The following KCNQ5 variants were observed in gnomAD, a reference collection of about 807,000 sequenced individuals.
KCNQ5 encodes potassium voltage-gated channel subfamily KQT member 5.
In KCNQ5, 30 loss-of-function variants were observed where a neutral mutation model predicts 98.2. That is an observed-to-expected ratio of 0.31 (90% CI 0.23 to 0.41). The LOEUF (loss-of-function observed/expected upper bound fraction) is 0.41. KCNQ5 is among the 10% of genes least tolerant of loss of function. KCNQ5 has a pLI of 1.00. For synonymous variants in KCNQ5, 458 were observed against 449.4 expected, an observed-to-expected ratio of 1.02 and a Z score of -0.24; for missense variants, 835 against 1,182.5, an observed-to-expected ratio of 0.71 and a Z score of 4.31.
chr6:72,939,005 G>A (rs1314487269), intron 1 of KCNQ5, among the ~76,000 whole-genome samples: 1 of 152,082 alleles, frequency 6.6e-6, no homozygotes, highest in Non-Finnish European at 1.5e-5. Context: ...TCTAAAACTT[G>A]CAAAAACTCA....
chr6:72,640,723 A>G (rs2098926777), intron 1 of KCNQ5: 1 of 152,194 alleles, frequency 6.6e-6, no homozygotes, highest in African/African-American at 2.4e-5. Flanking sequence ...CTCTAGTGCT[A>G]TCTTTTTTAG....
intron 1 of KCNQ5, among the ~76,000 whole-genome samples, chr6:72,800,111 C>G (rs1345172132): frequency 6.6e-6 from 1 of 152,076 alleles, no homozygotes; most frequent in Non-Finnish European, 1.5e-5. Flanking sequence ...TACCTTTATT[C>G]CCACTCCTAT....
At chr6:72,830,445 C>T (rs557825442) in intron 1 of KCNQ5, among the ~76,000 whole-genome samples, 292 of 152,326 alleles carry the variant, frequency 1.9e-3, no homozygotes, top group African/African-American at 6.7e-3. Flanking sequence ...GTACAACCAT[C>T]TGATCTTTGA....
intron 1 of KCNQ5, among the ~76,000 whole-genome samples, chr6:72,762,982 A>G (rs571726584): frequency 6.6e-6 from 1 of 152,106 alleles, no homozygotes; most frequent in South Asian, 2.1e-4. Flanking sequence ...GCACACTGAA[A>G]CCTATACAAT....
intron 1 of KCNQ5, among the ~76,000 whole-genome samples, chr6:72,783,489 T>TTCAG (rs1773585318): frequency 6.6e-6 from 1 of 152,218 alleles, no homozygotes; most frequent in Non-Finnish European, 1.5e-5. Context: ...CAAGCAAATA[T>TTCAG]TCAGATAAAG....
intron 5 of KCNQ5, among the ~76,000 whole-genome samples, chr6:73,086,448 A>G (rs1046005170): frequency 6.6e-6 from 1 of 152,102 alleles, no homozygotes; most frequent in Non-Finnish European, 1.5e-5. Context: ...ACTTTACCCC[A>G]TCAGGAAGCC....
At chr6:73,038,168 T>C (rs1771524465) in intron 2 of KCNQ5, among the ~76,000 whole-genome samples, 1 of 152,064 alleles carries the variant, frequency 6.6e-6, no homozygotes, top group African/African-American at 2.4e-5. Context: ...TAATTTTCAT[T>C]TCCACATGAT....
At chr6:73,000,422 C>G (rs968326134) in intron 1 of KCNQ5, among the ~76,000 whole-genome samples, 9 of 152,178 alleles carry the variant, frequency 5.9e-5, no homozygotes, top group African/African-American at 2.2e-4. Context: ...TATGCTTGGT[C>G]TGCACTGTCA....
At chr6:73,159,543 T>C (rs1359579765) in intron 10 of KCNQ5, among the ~76,000 whole-genome samples, 2 of 152,246 alleles carry the variant, frequency 1.3e-5, no homozygotes, top group African/African-American at 4.8e-5. Flanking sequence ...TTTATTGTCA[T>C]AAAAATTAAT....
chr6:73,003,900 T>C lies in KCNQ5; in HGVS notation c.399-8T>C, dbSNP rs1234833489. On this transcript the variant is annotated splice_polypyrimidine_tract_variant and splice_region_variant and intron_variant, in intron 1 of 13. Coordinates refer to ENST00000370398, the MANE Select transcript of KCNQ5 (RefSeq NM_019842.4). ...TCTTATCAGATTTCTCTTTTTGTTGTTTTACAGTTTTCTCCTTGTCTTTGG... is the reference window on the plus strand; with the variant it reads ...TCTTATCAGATTTCTCTTTTTGTTGCTTTACAGTTTTCTCCTTGTCTTTGG... The C allele has an allele frequency of 2.5e-6, 4 of 1,590,324 alleles. No individual in the cohort carries two copies. The Admixed American group carries it at 6.7e-5, about 27-fold the overall frequency.
intron 1 of KCNQ5, among the ~76,000 whole-genome samples, chr6:72,666,281 T>A (rs930637118): frequency 6.6e-6 from 1 of 152,152 alleles, no homozygotes; most frequent in Non-Finnish European, 1.5e-5. Flanking sequence ...TTAAAAAGTC[T>A]CTAAACTTGT....
intron 1 of KCNQ5, among the ~76,000 whole-genome samples, chr6:72,623,427 T>TGTGTGTGTGTGTGTGTGTGTGTGTGTG (rs3057126): frequency 6.6e-6 from 1 of 151,128 alleles, no homozygotes; most frequent in African/African-American, 2.4e-5. Flanking sequence ...TGTGTGTGTG[T>TGTGTGTGTGTGTGTGTGTGTGTGTGTG]AGTAAGCCTT....
chr6:73,068,105 G>A (rs551770481), intron 3 of KCNQ5, among the ~76,000 whole-genome samples: 2 of 152,054 alleles, frequency 1.3e-5, no homozygotes, highest in East Asian at 1.9e-4. Flanking sequence ...ATACCAGCTC[G>A]ACCAACATGG....
chr6:73,167,885 T>C (rs570031149), intron 10 of KCNQ5, among the ~76,000 whole-genome samples: 1 of 152,268 alleles, frequency 6.6e-6, no homozygotes, highest in Admixed American at 6.5e-5. Flanking sequence ...TCATGAGGGC[T>C]CCACCCTCAT....
chr6:72,827,906 T>C (rs572652646), intron 1 of KCNQ5, among the ~76,000 whole-genome samples: 2 of 152,136 alleles, frequency 1.3e-5, no homozygotes, highest in Non-Finnish European at 2.9e-5. Context: ...GATTTTTATA[T>C]AGGGTAAGAG....
chr6:73,169,960 C>T (rs1045125833), intron 11 of KCNQ5, 106 bp downstream of exon 11: 2 of 731,644 alleles, frequency 2.7e-6, no homozygotes, highest in Admixed American at 4.2e-5. Flanking sequence ...GGAATAACCA[C>T]TTTCCCTTTC....
At chr6:72,960,187 T>C (rs1343488406) in intron 1 of KCNQ5, among the ~76,000 whole-genome samples, 1 of 152,110 alleles carries the variant, frequency 6.6e-6, no homozygotes, top group African/African-American at 2.4e-5. Context: ...GACCAAATGA[T>C]CCCATGGCCA....
intron 1 of KCNQ5, among the ~76,000 whole-genome samples, chr6:72,914,887 C>T (rs970151758): frequency 8.6e-5 from 13 of 151,882 alleles, no homozygotes; most frequent in African/African-American, 3.1e-4. Context: ...GAATGCAGGC[C>T]CAGCAAGTCT....
intron 1 of KCNQ5, among the ~76,000 whole-genome samples, chr6:72,635,143 C>A (rs1225798652): frequency 6.6e-6 from 1 of 151,790 alleles, no homozygotes; most frequent in East Asian, 1.9e-4. Flanking sequence ...TCTCCCACCT[C>A]AGCCTCTTGA....
Sources: allele counts gnomAD v4.1 joint callset (sites outside exome capture counted in the v4.1 genomes callset), GRCh38; gene constraint gnomAD v4.1.1; transcripts MANE v1.5; gene names NCBI Gene and HGNC (gene_info 2026-07-23, HGNC 2026-07-21).